PAK3: variants seen among roughly 807,000 people sequenced by gnomAD.
The protein encoded by PAK3 is serine/threonine-protein kinase PAK 3.
Under a neutral mutation model 41.0 loss-of-function variants are expected in PAK3, and 4 were observed. The ratio of observed to expected loss-of-function variants is 0.10; its 90% CI spans 0.05 to 0.22. PAK3 has a LOEUF of 0.22. Ranked by LOEUF, PAK3 falls within the 10% of genes least tolerant of loss-of-function variation. The pLI, the probability that PAK3 is intolerant of heterozygous loss-of-function variation, is 1.00. For synonymous variants in PAK3, 146 were observed against 139.6 expected, an observed-to-expected ratio of 1.05 and a Z score of -0.32; for missense variants, 205 against 409.9, an observed-to-expected ratio of 0.50 and a Z score of 4.32.
intron 8 of PAK3, among the ~76,000 whole-genome samples, chrX:111,161,080 C>T (rs2094179939): frequency 9.0e-6 from 1 of 111,558 alleles, no homozygotes; most frequent in African/African-American, 3.3e-5. Flanking sequence ...ACAATCCCCC[C>T]AACTGTGTAA....
At chrX:110,968,325 C>T (rs779232897) in intron 1 of PAK3, among the ~76,000 whole-genome samples, 1 of 112,674 alleles carries the variant, frequency 8.9e-6, no homozygotes, top group East Asian at 2.8e-4. Context: ...CAAAAGCTTT[C>T]ATCTCTAGAA....
intron 10 of PAK3, among the ~76,000 whole-genome samples, chrX:111,167,816 A>G (rs1437712588): frequency 3.6e-5 from 4 of 111,074 alleles, no homozygotes; most frequent in African/African-American, 9.8e-5. Context: ...TGGCACCTGT[A>G]TATCTGTGTA....
intron 5 of PAK3, among the ~76,000 whole-genome samples, chrX:111,140,501 T>A (rs935712529): frequency 1.8e-5 from 2 of 111,811 alleles, no homozygotes; most frequent in African/African-American, 3.3e-5. Flanking sequence ...TGAACAAGTA[T>A]AAATGTTAGC....
At chrX:110,968,430 T>C (rs1042161130) in intron 1 of PAK3, among the ~76,000 whole-genome samples, 2 of 112,675 alleles carry the variant, frequency 1.8e-5, no homozygotes, top group African/African-American at 3.2e-5. Context: ...GGCTATACCA[T>C]TTTACATTTT....
At chrX:111,103,648 C>T (rs933489340) in intron 4 of PAK3, among the ~76,000 whole-genome samples, 53 of 111,250 alleles carry the variant, frequency 4.8e-4, no homozygotes, top group African/African-American at 1.7e-3. Context: ...ATTTTCTTTT[C>T]TCCTCCTTTC....
chrX:110,947,353 A>T (rs2090639187), intron 1 of PAK3, among the ~76,000 whole-genome samples: 1 of 112,012 alleles, frequency 8.9e-6, no homozygotes, highest in Admixed American at 9.4e-5. Flanking sequence ...TGTCAATACC[A>T]GAAGGTATCA....
At chrX:111,194,686 C>A (rs1313438414) in intron 14 of PAK3, among the ~76,000 whole-genome samples, 1 of 112,067 alleles carries the variant, frequency 8.9e-6, no homozygotes, top group Non-Finnish European at 1.9e-5. Context: ...AACCCACATG[C>A]TGTAGTTTCC....
chrX:111,076,078 T>A (rs1041035593), intron 1 of PAK3, among the ~76,000 whole-genome samples: 38 of 112,392 alleles, frequency 3.4e-4, no homozygotes, highest in African/African-American at 9.1e-4. Flanking sequence ...TTGTTTTTTT[T>A]ATCTCACAGG....
intron 16 of PAK3, among the ~76,000 whole-genome samples, chrX:111,213,561 T>G (rs950719076): frequency 9.0e-5 from 10 of 111,064 alleles, no homozygotes; most frequent in African/African-American, 2.6e-4. Flanking sequence ...GAAAGTAAAG[T>G]GAGAAAATGA....
chrX:111,041,889 C>T (rs1468561645), intron 1 of PAK3, among the ~76,000 whole-genome samples: 1 of 111,754 alleles, frequency 8.9e-6, no homozygotes, highest in Middle Eastern at 4.3e-3. Flanking sequence ...CTTAAACACA[C>T]ACTGCCTTGT....
intron 1 of PAK3, among the ~76,000 whole-genome samples, chrX:111,042,222 C>T (rs1379018447): frequency 8.9e-6 from 1 of 111,750 alleles, no homozygotes; most frequent in African/African-American, 3.3e-5. Flanking sequence ...GCCACTTCCA[C>T]TCATGGGCTG....
intron 1 of PAK3, among the ~76,000 whole-genome samples, chrX:110,971,106 T>C (rs770335636): frequency 1.6e-4 from 18 of 112,417 alleles, no homozygotes; most frequent in African/African-American, 5.8e-4. Context: ...AAGATTCACA[T>C]GCTGTACAAT....
intron 1 of PAK3, among the ~76,000 whole-genome samples, chrX:111,050,862 T>G (rs1243183554): frequency 8.9e-6 from 1 of 112,249 alleles, no homozygotes; most frequent in Non-Finnish European, 1.9e-5. Context: ...TGTTTGGTTT[T>G]GATTGCAGGG....
At chrX:111,026,557 G>T (rs2092272834) in intron 1 of PAK3, among the ~76,000 whole-genome samples, 1 of 111,077 alleles carries the variant, frequency 9.0e-6, no homozygotes. Flanking sequence ...CTTCCCAATA[G>T]CTGTAAAAAT....
At chrX:111,087,427 A>G (rs1235618719) in intron 1 of PAK3, among the ~76,000 whole-genome samples, 1 of 109,118 alleles carries the variant, frequency 9.2e-6, no homozygotes, top group East Asian at 2.9e-4. Context: ...TTATTACAAA[A>G]AAAAAAAAAG....
At chrX:110,969,311 T>C (rs1273430347) in intron 1 of PAK3, among the ~76,000 whole-genome samples, 1 of 103,080 alleles carries the variant, frequency 9.7e-6, no homozygotes, top group Non-Finnish European at 2.0e-5. Flanking sequence ...TTTAATAGAG[T>C]CTCACTCTGT....
At chrX:111,063,225 GT>G (rs1401586218) in intron 1 of PAK3, among the ~76,000 whole-genome samples, 1 of 112,340 alleles carries the variant, frequency 8.9e-6, no homozygotes, top group African/African-American at 3.2e-5. Context: ...TGCTGTGTGA[GT>G]TGGGCCAAAT....
At chrX:111,145,678 G>A (rs750596616) in intron 6 of PAK3, among the ~76,000 whole-genome samples, 2 of 111,390 alleles carry the variant, frequency 1.8e-5, no homozygotes, top group African/African-American at 3.3e-5. Flanking sequence ...CTAAATACCA[G>A]GAATCAAGGA....
intron 1 of PAK3, among the ~76,000 whole-genome samples, chrX:111,049,834 A>C (rs1406960790): frequency 2.7e-5 from 3 of 111,820 alleles, no homozygotes; most frequent in African/African-American, 9.8e-5. Flanking sequence ...TGAGAGAAAA[A>C]CTGCTGGTAG....
Sources: gnomAD v4.1 joint callset for allele counts (sites outside exome capture counted in the v4.1 genomes callset) on GRCh38, gnomAD v4.1.1 for gene constraint, MANE v1.5 for transcripts, NCBI Gene and HGNC (gene_info 2026-07-23, HGNC 2026-07-21) for gene names.